SLIT3: variants seen among roughly 807,000 people sequenced by gnomAD.
SLIT3 encodes the protein slit homolog 3 protein.
In SLIT3, 68 loss-of-function variants were observed where a neutral mutation model predicts 184.0. That is an observed-to-expected ratio of 0.37 (90% CI 0.30 to 0.45). The LOEUF is 0.45. Among genes scored for constraint, SLIT3 ranks in the 20% least tolerant of loss-of-function variants. SLIT3 has a pLI of 1.00. For missense variants in SLIT3, 1,707 were observed against 2,026.0 expected (o/e 0.84, Z 3.02); for synonymous variants, 831 against 828.6 (o/e 1.00, Z -0.05).
chr5:169,237,249 A>C (rs1765234431), intron 3 of SLIT3, among the ~76,000 whole-genome samples: 1 of 152,192 alleles, frequency 6.6e-6, no homozygotes, highest in African/African-American at 2.4e-5. Context: ...GACTTTTTAA[A>C]AATTTGCACG....
chr5:168,995,535 G>A (rs942123723), intron 4 of SLIT3: 11 of 152,136 alleles, frequency 7.2e-5, no homozygotes, highest in African/African-American at 1.7e-4. Flanking sequence ...AATTGTGTTC[G>A]TTGGTATGAG....
intron 4 of SLIT3, among the ~76,000 whole-genome samples, chr5:168,986,843 A>C (rs1157329761): frequency 6.6e-6 from 1 of 152,334 alleles, no homozygotes; most frequent in South Asian, 2.1e-4. Flanking sequence ...CATATATAAA[A>C]AGCCTTTAGT....
At chr5:169,276,095 A>G (rs923508204) in intron 1 of SLIT3, among the ~76,000 whole-genome samples, 1 of 152,112 alleles carries the variant, frequency 6.6e-6, no homozygotes, top group African/African-American at 2.4e-5. Context: ...CTAAACAAAG[A>G]AAGAGAGCAA....
intron 4 of SLIT3, among the ~76,000 whole-genome samples, chr5:169,048,843 T>C (rs944235222): frequency 1.3e-5 from 2 of 152,134 alleles, no homozygotes; most frequent in Admixed American, 6.5e-5. Context: ...CCCCATTGGT[T>C]CAGCTGCTTG....
intron 4 of SLIT3, among the ~76,000 whole-genome samples, chr5:169,186,358 C>T (rs1457532855): frequency 6.6e-6 from 1 of 152,168 alleles, no homozygotes; most frequent in Non-Finnish European, 1.5e-5. Flanking sequence ...AGGAGAGAGG[C>T]ACCAGGAGGA....
chr5:168,743,031 C>G (rs1364406026), intron 20 of SLIT3, among the ~76,000 whole-genome samples: 1 of 152,132 alleles, frequency 6.6e-6, no homozygotes, highest in Non-Finnish European at 1.5e-5. Flanking sequence ...ACCGGAGAGG[C>G]TAAGCCAGGA....
chr5:169,142,041 C>T (rs1251686386), intron 4 of SLIT3, among the ~76,000 whole-genome samples: 1 of 142,376 alleles, frequency 7.0e-6, no homozygotes, highest in African/African-American at 2.7e-5. Flanking sequence ...CAGAGCGAGA[C>T]TCCTACTCAA....
At chr5:169,174,753 C>T (rs1267130335) in intron 4 of SLIT3, among the ~76,000 whole-genome samples, 1 of 152,044 alleles carries the variant, frequency 6.6e-6, no homozygotes, top group East Asian at 1.9e-4. Flanking sequence ...GAGCCAAGAG[C>T]TTTCCCAGTG....
At chr5:169,171,504 T>G (rs1762818225) in intron 4 of SLIT3, among the ~76,000 whole-genome samples, 1 of 152,202 alleles carries the variant, frequency 6.6e-6, no homozygotes, top group Non-Finnish European at 1.5e-5. Context: ...AACAGCAAGA[T>G]TCCAGAGGTT....
At chr5:169,163,067 A>G (rs1418605732) in intron 4 of SLIT3, among the ~76,000 whole-genome samples, 1 of 152,102 alleles carries the variant, frequency 6.6e-6, no homozygotes, top group African/African-American at 2.4e-5. Context: ...TCACGCTTGT[A>G]ATCCCAGCAC....
At chr5:168,938,288 G>A (rs1287875985) in intron 4 of SLIT3, among the ~76,000 whole-genome samples, 4 of 152,158 alleles carry the variant, frequency 2.6e-5, no homozygotes, top group Admixed American at 6.5e-5. Context: ...GCTATTCTAT[G>A]GATAGATTTT....
At chr5:168,816,726 T>C (rs567584171) in intron 8 of SLIT3, among the ~76,000 whole-genome samples, 14 of 152,370 alleles carry the variant, frequency 9.2e-5, no homozygotes, top group African/African-American at 3.4e-4. Context: ...TGATTTAGCT[T>C]TTACCAAGGG....
intron 4 of SLIT3, among the ~76,000 whole-genome samples, chr5:168,948,402 T>A (rs190987434): frequency 1.3e-5 from 2 of 152,186 alleles, no homozygotes; most frequent in East Asian, 3.9e-4. Flanking sequence ...TTTAGGTGCA[T>A]ACAGAGAACA....
intron 4 of SLIT3, among the ~76,000 whole-genome samples, chr5:168,993,777 CACCTT>C (rs1322494531): frequency 3.9e-5 from 6 of 152,214 alleles, no homozygotes; most frequent in African/African-American, 7.2e-5. Flanking sequence ...GGTCAGGGGC[CACCTT>C]CTCTTCCCCA....
intron 4 of SLIT3, among the ~76,000 whole-genome samples, chr5:169,189,532 AT>A (rs1763474266): frequency 2.9e-3 from 7 of 2,446 alleles, no homozygotes; most frequent in Admixed American, 0.023. Flanking sequence ...GATGGGATAT[AT>A]ATATATATAT....
intron 35 of SLIT3, among the ~76,000 whole-genome samples, chr5:168,668,771 C>T (rs1437101206): frequency 6.6e-6 from 1 of 152,130 alleles, no homozygotes. Flanking sequence ...GGAAGTGAAC[C>T]ACAAGTATGC....
intron 1 of SLIT3, among the ~76,000 whole-genome samples, chr5:169,270,946 C>T (rs181244043): frequency 1.3e-5 from 2 of 152,262 alleles, no homozygotes; most frequent in East Asian, 3.9e-4. Flanking sequence ...TTATACATGT[C>T]AAACGGCTAG....
chr5:169,146,897 C>T (rs944998023), intron 4 of SLIT3, among the ~76,000 whole-genome samples: 16 of 152,330 alleles, frequency 1.1e-4, no homozygotes, highest in South Asian at 8.3e-4. Flanking sequence ...GGACAAGTTG[C>T]TTAGCTTCTA....
At chr5:169,206,310 A>G (rs893099435) in intron 3 of SLIT3, among the ~76,000 whole-genome samples, 2 of 152,222 alleles carry the variant, frequency 1.3e-5, no homozygotes, top group Non-Finnish European at 2.9e-5. Flanking sequence ...TAAGACCCCC[A>G]AAACAATGCA....
Sources: gnomAD v4.1 joint callset for allele counts (sites outside exome capture counted in the v4.1 genomes callset) on GRCh38, gnomAD v4.1.1 for gene constraint, MANE v1.5 for transcripts, NCBI Gene and HGNC (gene_info 2026-07-23, HGNC 2026-07-21) for gene names.